ZP3: variants seen among roughly 807,000 people sequenced by gnomAD.
The protein encoded by ZP3 is zona pellucida sperm-binding protein 3.
In ZP3, 21 loss-of-function variants were observed where a neutral mutation model predicts 35.6. That is an observed-to-expected ratio of 0.59 (90% confidence interval 0.42 to 0.85). ZP3 has a LOEUF of 0.85. ZP3 is among the 40% of genes least tolerant of loss of function. ZP3 has a pLI of 0.00. For missense variants in ZP3, 437 were observed against 536.5 expected, an observed-to-expected ratio of 0.81 and a Z score of 1.83; for synonymous variants, 207 against 214.5, an observed-to-expected ratio of 0.96 and a Z score of 0.31.
intron 2 of ZP3, among the ~76,000 whole-genome samples, chr7:76,432,197 T>C (rs544016943): frequency 1.5e-3 from 174 of 119,968 alleles, no homozygotes; most frequent in Non-Finnish European, 2.8e-3. Flanking sequence ...TTTTCTTTTC[T>C]TTTTTTTTTG....
chr7:76,413,044 C>A (rs1175660616), intron 1 of ZP3, among the ~76,000 whole-genome samples: 3 of 143,290 alleles, frequency 2.1e-5, no homozygotes, highest in Non-Finnish European at 4.5e-5. Flanking sequence ...TTCACTGCAA[C>A]CTGTGCCTCC....
At chr7:76,441,012 A>G in intron 7 of ZP3, among the ~76,000 whole-genome samples, 1 of 151,572 alleles carries the variant, frequency 6.6e-6, no homozygotes. Flanking sequence ...TCTCTACTAA[A>G]AATAAAAAAT....
chr7:76,429,695 A>G (rs1805774260), intron 2 of ZP3, 62 bp downstream of exon 2: 1 of 1,437,044 alleles, frequency 7.0e-7, no homozygotes, highest in African/African-American at 1.4e-5. Context: ...GCTGCAGGCA[A>G]GTGGGCTGGC....
Position 76,429,729 on chromosome 7 carries a change from G to A in ZP3, c.431+96G>A, listed in dbSNP as rs1402395919. On this transcript the variant is annotated intron_variant, in intron 2 of 7. Transcript: ENST00000394857. ...GCTATGGGCTACAGCTTGCAGCATG[G>A]CTATTAGAACTACCTACCGAAGCAT... 1.2e-5 allele frequency: 13 copies of A among 1,042,468 alleles called. No homozygotes were observed. In the East Asian group the frequency reaches 3.1e-4, roughly 25 times the overall value. 64.6% of individuals were successfully genotyped at this position (1,042,468 alleles called of 1,614,324 possible).
chr7:76,397,576 G>T (rs1206362774), exon 1 of ZP3: 1 of 1,608,900 alleles, frequency 6.2e-7, no homozygotes, highest in Non-Finnish European at 8.5e-7. Flanking sequence ...CCCAGCCCAG[G>T]CTCTGGCAGG....
rs368129005 is a variant in ZP3, at chr7:76,440,653, C to T, written c.1060+42C>T. ...CCAAGAGGCTGTTCATTGTCCCTTA[C>T]TCAGTTGAGGGTACCTGCTGTCATT... On this transcript the variant is annotated intron_variant, in intron 7 of 7. Transcript: ENST00000394857. The T allele has an allele frequency of 8.2e-5, 130 of 1,576,630 alleles. No homozygotes were observed. The African/African-American group carries it at 1.5e-3, about 18-fold the overall frequency.
intron 1 of ZP3, chr7:76,397,838 G>A (rs1804692108): frequency 6.4e-7 from 1 of 1,550,402 alleles, no homozygotes; most frequent in Admixed American, 2.0e-5. Context: ...CTCACCTGGG[G>A]ATGGGGGCGG....
At chr7:76,431,626 A>G (rs1805826275) in intron 2 of ZP3, among the ~76,000 whole-genome samples, 1 of 152,156 alleles carries the variant, frequency 6.6e-6, no homozygotes, top group Non-Finnish European at 1.5e-5. Flanking sequence ...TTGGCTGGGC[A>G]TGGTGGCTCA....
In ZP3 at chr7:76,397,551, C is replaced by T. The variant is rs779778771; in HGVS notation, c.-313C>T. ...AGCGCGCCCGCGTCCTCGTGGTGGC[C>T]GCAGTTGTGCACACCCCAGCCCAGG... On this transcript the variant is annotated 5_prime_UTR_variant, in exon 1 of 9. Transcript: ENST00000336517. 17 of 1,596,396 alleles carry T rather than the reference C, an allele frequency of 1.1e-5. No individual in the cohort carries two copies. In the Admixed American group the frequency reaches 2.6e-4, roughly 25 times the overall value.
intron 5 of ZP3, among the ~76,000 whole-genome samples, chr7:76,438,030 G>C (rs1487200140): frequency 1.3e-5 from 2 of 152,222 alleles, no homozygotes; most frequent in Non-Finnish European, 2.9e-5. Context: ...ATGGTTTCAA[G>C]TTTCTCTGCT....
upstream of ZP3, among the ~76,000 whole-genome samples, chr7:76,422,823 C>G (rs1050087453): frequency 6.6e-6 from 1 of 151,382 alleles, no homozygotes; most frequent in Non-Finnish European, 1.5e-5. Context: ...CATGGTGAAA[C>G]CCCGTCTTTA....
chr7:76,436,822 T>C lies in ZP3; in HGVS notation c.831+2667T>C, dbSNP rs1475701891. 3.3e-5 allele frequency among the ~76,000 whole-genome samples: 5 copies of C among 152,242 alleles called. No homozygotes were observed. In the East Asian group the frequency reaches 9.6e-4, roughly 29 times the overall value. On this transcript the variant is annotated intron_variant, in intron 5 of 7. Transcript: ENST00000394857. ...TTGGGAAGAAGATGGAGAGAAGTTT[T>C]CACAGAGGTGGTAGCGGTCAGCATG...
intron 1 of ZP3, among the ~76,000 whole-genome samples, chr7:76,415,424 A>G (rs1379961132): frequency 1.5e-5 from 2 of 130,356 alleles, no homozygotes; most frequent in Non-Finnish European, 3.0e-5. Flanking sequence ...GACAACTATG[A>G]CAACTGTTAC....
rs1271510975 is a variant in ZP3, at chr7:76,405,339, C to CTTTCTTTCTTTCT, written c.-67+7545_-67+7546insCTTTCTTTCTTTT. On this transcript the variant is annotated intron_variant, in intron 1 of 8. Transcript: ENST00000336517. ...TATGTATTTTTTTCTTTCTTTCTTT[C>CTTTCTTTCTTTCT]TTTTTTTTTTTTTTTTTTTTTTGGT... Among the ~76,000 whole-genome samples, 79 of 21,384 alleles carry CTTTCTTTCTTTCT rather than the reference C, an allele frequency of 3.7e-3. 11 individuals are homozygous for CTTTCTTTCTTTCT. The highest frequency in any genetic ancestry group is 0.016 in the African/African-American group (76 of 4,724). The allele number at this position is 21,384 out of a possible 152,430, so 14.0% of individuals were successfully genotyped here.
At chr7:76,398,256 C>T (rs1356643298) in intron 1 of ZP3, among the ~76,000 whole-genome samples, 1 of 151,652 alleles carries the variant, frequency 6.6e-6, no homozygotes, top group East Asian at 1.9e-4. Context: ...TTCTTGGGCT[C>T]ATCTGACCTT....
intron 1 of ZP3, among the ~76,000 whole-genome samples, chr7:76,406,747 G>A (rs1220827576): frequency 6.7e-6 from 1 of 150,066 alleles, no homozygotes; most frequent in Admixed American, 6.7e-5. Context: ...CTCCTGTCTT[G>A]CACTTTTTTT....
chr7:76,399,575 C>T lies in ZP3; in HGVS notation c.-67+1778C>T, dbSNP rs570485275. ...TTCGAGACAGGATCTTGCTCTGTCACCCAGGCTGGAGTGCAGTGTCACAAT... is the reference window on the plus strand; with the variant it reads ...TTCGAGACAGGATCTTGCTCTGTCATCCAGGCTGGAGTGCAGTGTCACAAT... On this transcript the variant is annotated intron_variant, in intron 1 of 8. Transcript: ENST00000336517. Among the ~76,000 whole-genome samples, 3 of 152,112 alleles carry T rather than the reference C, an allele frequency of 2.0e-5. No individual in the cohort carries two copies. The East Asian group carries it at 5.8e-4, about 29-fold the overall frequency.
intron 2 of ZP3, among the ~76,000 whole-genome samples, 157 bp downstream of exon 2, chr7:76,429,790 G>C (rs1805776309): frequency 6.6e-6 from 1 of 152,126 alleles, no homozygotes; most frequent in African/African-American, 2.4e-5. Flanking sequence ...TGGGATTGTG[G>C]GGCCTGCTGA....
chr7:76,399,224 G>T (rs572006148), intron 1 of ZP3, among the ~76,000 whole-genome samples: 1 of 151,974 alleles, frequency 6.6e-6, no homozygotes, highest in Admixed American at 6.6e-5. Context: ...TGTTGGTCAG[G>T]CTGGTCTTGA....
Sources: gnomAD v4.1 joint callset for allele counts (sites outside exome capture counted in the v4.1 genomes callset) on GRCh38, gnomAD v4.1.1 for gene constraint, MANE v1.5 for transcripts, NCBI Gene and HGNC (gene_info 2026-07-23, HGNC 2026-07-21) for gene names.